Variants in ABLIM2 observed in about 807,000 individuals in gnomAD.
The protein encoded by ABLIM2 is actin binding LIM protein family member 2, also known as actin-binding LIM protein 2.
In ABLIM2, 53 loss-of-function variants were observed where a neutral mutation model predicts 97.7. That is an observed-to-expected ratio of 0.54 (90% confidence interval 0.44 to 0.68). The LOEUF is 0.68. Ranked by LOEUF, ABLIM2 falls within the 30% of genes least tolerant of loss-of-function variation. ABLIM2 has a pLI of 0.00. For synonymous variants in ABLIM2, 361 were observed against 345.8 expected, an observed-to-expected ratio of 1.04 and a Z score of -0.49; for missense variants, 835 against 867.2, an observed-to-expected ratio of 0.96 and a Z score of 0.47.
intron 8 of ABLIM2, among the ~76,000 whole-genome samples, chr4:8,052,373 C>A (rs1796572486): frequency 6.6e-6 from 1 of 152,248 alleles, no homozygotes; most frequent in Non-Finnish European, 1.5e-5. Context: ...TTGCTCATCC[C>A]TGAGACCCAG....
intron 1 of ABLIM2, among the ~76,000 whole-genome samples, chr4:8,119,459 C>G (rs976969457): frequency 2.0e-5 from 3 of 151,040 alleles, no homozygotes; most frequent in Non-Finnish European, 2.9e-5. Flanking sequence ...TCCTGAGTAG[C>G]TGGGATTATA....
Position 8,103,624 on chromosome 4 carries a change from G to A in ABLIM2, c.154+2870C>T, listed in dbSNP as rs141803282. 2.6e-4 allele frequency among the ~76,000 whole-genome samples: 40 copies of A among 152,300 alleles called. No individual in the cohort carries two copies. In the South Asian group the frequency reaches 7.7e-3, roughly 29 times the overall value. ...CTAATCATCTTGGGTGATGGAGTGT[G>A]AGTCCCCAGCCCTGGGTCAGCCTGC... On this transcript the variant is annotated intron_variant, in intron 2 of 20. Transcript: ENST00000447017.
At chr4:7,968,711 TG>T (rs1725069428) in intron 20 of ABLIM2, among the ~76,000 whole-genome samples, 1 of 152,134 alleles carries the variant, frequency 6.6e-6, no homozygotes, top group Non-Finnish European at 1.5e-5. Context: ...TTAACGGATA[TG>T]GGGTTTCCTC....
chr4:7,979,016 T>C (rs1018119211), intron 20 of ABLIM2, among the ~76,000 whole-genome samples: 1 of 152,146 alleles, frequency 6.6e-6, no homozygotes, highest in African/African-American at 2.4e-5. Flanking sequence ...ACCTGCACAC[T>C]CACTCTGCGC....
intron 14 of ABLIM2, among the ~76,000 whole-genome samples, chr4:8,011,072 AGTC>A (rs570889826): frequency 5.4e-4 from 83 of 152,366 alleles, no homozygotes; most frequent in African/African-American, 1.8e-3. Context: ...TGGACAATTA[AGTC>A]GTCGCTCCAG....
intron 3 of ABLIM2, among the ~76,000 whole-genome samples, chr4:8,090,769 C>T (rs1228431940): frequency 7.0e-6 from 1 of 143,368 alleles, no homozygotes; most frequent in East Asian, 2.0e-4. Flanking sequence ...TTTTGTCAGC[C>T]TCGCGTTTTT....
intron 1 of ABLIM2, among the ~76,000 whole-genome samples, chr4:8,157,588 G>A (rs750849693): frequency 6.6e-5 from 10 of 152,150 alleles, no homozygotes; most frequent in Non-Finnish European, 1.0e-4. Flanking sequence ...CTTAGCCCCC[G>A]CCCCCTTCTA....
intron 1 of ABLIM2, among the ~76,000 whole-genome samples, chr4:8,137,504 G>A (rs1850356056): frequency 1.3e-5 from 2 of 152,242 alleles, no homozygotes; most frequent in South Asian, 2.1e-4. Flanking sequence ...GGAACCGCCT[G>A]TGCAAAGACA....
At position 8,044,055 on chromosome 4, in the gene ABLIM2, A is replaced by G. The variant is rs909442249; in HGVS notation, c.900+1109T>C. On this transcript the variant is annotated intron_variant, in intron 9 of 20. Transcript: ENST00000447017. This position sits in a 1 kb window ranked among gnomAD's most constrained non-coding sequence, Gnocchi z 4.4. ...GAGGACTCGTGCACCCCTCAGTGGC[A>G]CTGTCAGGATTAAGGTCAGGAAGGA... is the stretch of plus-strand genomic sequence containing the variant. Among the ~76,000 whole-genome samples the G allele has an allele frequency of 1.3e-5, 2 of 152,180 alleles. No individual in the cohort carries two copies. The highest frequency in any genetic ancestry group is 4.8e-5 in the African/African-American group (2 of 41,442).
Position 8,077,751 on chromosome 4 carries a change from C to T in ABLIM2, c.582-30G>A, listed in dbSNP as rs1012837938. 30 of 1,583,838 alleles carry T rather than the reference C, an allele frequency of 1.9e-5. No homozygotes were observed. In the Admixed American group the frequency reaches 3.0e-4, roughly 16 times the overall value. ...AATGAGACAGGCAGTCAACACAGGG[C>T]GGGTGTCGCCCGAGGACCCTTGAGA... is the stretch of plus-strand genomic sequence containing the variant. On this transcript the variant is annotated intron_variant, in intron 5 of 20. Coordinates refer to ENST00000447017, the MANE Select transcript of ABLIM2 (RefSeq NM_001130083.2).
Position 8,043,126 on chromosome 4 carries a change from T to C in ABLIM2, c.900+2038A>G, listed in dbSNP as rs1000143776. On this transcript the variant is annotated intron_variant, in intron 9 of 20. Coordinates refer to ENST00000447017, the MANE Select transcript of ABLIM2 (RefSeq NM_001130083.2). This position sits in a 1 kb window ranked among gnomAD's most constrained non-coding sequence, Gnocchi z 4.8. Reference sequence around the variant, plus strand: ...ATGATCTCACCACTGCACTCCAGCCTGGGCGACAGAGCCAGACCTTGTCTC... The same window carrying C: ...ATGATCTCACCACTGCACTCCAGCCCGGGCGACAGAGCCAGACCTTGTCTC... Among the ~76,000 whole-genome samples the C allele has an allele frequency of 1.3e-5, 2 of 152,170 alleles. No homozygotes were observed. The highest frequency in any genetic ancestry group is 1.3e-4 in the Admixed American group (2 of 15,276).
chr4:8,038,449 TG>T, intron 9 of ABLIM2, among the ~76,000 whole-genome samples: 1 of 152,316 alleles, frequency 6.6e-6, no homozygotes. Flanking sequence ...GCCCTCATTA[TG>T]GCCCCCAAAC....
At chr4:8,091,509 A>T (rs1470458921) in intron 3 of ABLIM2, among the ~76,000 whole-genome samples, 4 of 36,352 alleles carry the variant, frequency 1.1e-4, no homozygotes, top group Non-Finnish European at 2.0e-4. Context: ...TTTTGTATAA[A>T]ATATAAAATA....
rs752429530 is a variant in ABLIM2, at chr4:8,128,662, G to A, written c.11-22025C>T. Among the ~76,000 whole-genome samples, 16 of 152,156 alleles carry A rather than the reference G, an allele frequency of 1.1e-4. No homozygotes were observed. The highest frequency in any genetic ancestry group is 1.8e-4 in the Non-Finnish European group (12 of 68,030). ...CATTGTCTAGCCCAAGGCCACTGCC[G>A]TGGATTGAATGTGGTGTCCCCTCCC... On this transcript the variant is annotated intron_variant, in intron 1 of 20. Transcript: ENST00000447017. The surrounding 1 kb of genome is among the most constrained non-coding windows in gnomAD (Gnocchi z 4.9).
In ABLIM2 at chr4:8,002,532, G is replaced by A. The variant is rs1015091061; in HGVS notation, c.1618+5527C>T. Among the ~76,000 whole-genome samples, 3 of 152,156 alleles carry A rather than the reference G, an allele frequency of 2.0e-5. No individual in the cohort carries two copies. Among genetic ancestry groups the A allele is most frequent in the Admixed American group, 1.3e-4 (2 of 15,278 alleles). On this transcript the variant is annotated intron_variant, in intron 16 of 20. Transcript: ENST00000447017. The surrounding 1 kb of genome is among the most constrained non-coding windows in gnomAD (Gnocchi z 6.1). ...AAATGCAACATCTCCTGTCACGCTC[G>A]TGTCGTGCTGACGTTCCCCTCCCTG...
intron 1 of ABLIM2, among the ~76,000 whole-genome samples, chr4:8,114,800 G>GC (rs5856005): frequency 0.72 from 108,782 of 152,004 alleles, 39,947 homozygotes; most frequent in South Asian, 0.94. Context: ...GGCAGCCACC[G>GC]CCCCGTCCCC....
At chr4:7,967,740 T>G (rs1209552004) in intron 20 of ABLIM2, among the ~76,000 whole-genome samples, 1 of 152,140 alleles carries the variant, frequency 6.6e-6, no homozygotes, top group Non-Finnish European at 1.5e-5. Flanking sequence ...CCAGTGCTTC[T>G]GGGATGCCAT....
At position 8,088,248 on chromosome 4, in the gene ABLIM2, G is replaced by A. The variant is rs768221546; in HGVS notation, c.375C>T (p.Asn125=). The A allele has an allele frequency of 6.8e-6, 11 of 1,612,726 alleles. No individual in the cohort carries two copies. In the Admixed American group the frequency reaches 8.3e-5, roughly 12 times the overall value. ...ACTTCTGGCACATGCATTCCTTCCC[G>A]TTGAAGGTCACTCGGTCCCCGGGGG... The part of the protein sequence containing the change: ...PFPPGDRVTF[N]GKECMCQKCS... The change falls in exon 4 of 21, where the codon AAC becomes AAT. Residue 125 remains asparagine (N), a synonymous_variant. Coordinates refer to ENST00000447017, the MANE Select transcript of ABLIM2 (RefSeq NM_001130083.2).
At chr4:8,056,805 G>A (rs1171830581) in intron 7 of ABLIM2, among the ~76,000 whole-genome samples, 10 of 151,198 alleles carry the variant, frequency 6.6e-5, no homozygotes, top group South Asian at 2.1e-4. Flanking sequence ...GGTGGCGGGC[G>A]CCTGTAGTCC....
Sources: gnomAD v4.1 joint callset for allele counts (sites outside exome capture counted in the v4.1 genomes callset) on GRCh38, gnomAD v4.1.1 for gene constraint, Gnocchi (gnomAD v3.1) non-coding constraint, MANE v1.5 for transcripts, NCBI Gene and HGNC (gene_info 2026-07-23, HGNC 2026-07-21) for gene names.